The following PABPC4L variants were observed in gnomAD, a reference collection of about 807,000 sequenced individuals.
PABPC4L encodes the protein polyadenylate-binding protein 4-like.
For synonymous variants in PABPC4L, 169 were observed against 164.1 expected (o/e 1.03, Z -0.23); for missense variants, 452 against 451.4 (o/e 1.00, Z -0.01).
chr4:134,098,459 T>TAAA, the PABPC4L span, among the ~76,000 whole-genome samples: 1 of 151,660 alleles, frequency 6.6e-6, no homozygotes, highest in Non-Finnish European at 1.5e-5. Flanking sequence ...CTATGATCTG[T>TAAA]GATGGGGAAG....
At chr4:134,196,067 T>C (rs929663229), downstream of PABPC4L, among the ~76,000 whole-genome samples, 1 of 151,536 alleles carries the variant, frequency 6.6e-6, no homozygotes, top group East Asian at 1.9e-4. Context: ...GACAGGTTAG[T>C]TGAATTTAAC....
chr4:133,956,895 A>G, the PABPC4L span, among the ~76,000 whole-genome samples: 1 of 152,162 alleles, frequency 6.6e-6, no homozygotes, highest in African/African-American at 2.4e-5. Flanking sequence ...TAAGAAGAGC[A>G]TGTGGGGTAA....
the PABPC4L span, among the ~76,000 whole-genome samples, chr4:134,081,818 T>C: frequency 6.6e-6 from 1 of 152,146 alleles, no homozygotes; most frequent in Non-Finnish European, 1.5e-5. Context: ...TGACTCCCAT[T>C]AAGGTCCCTA....
the PABPC4L span, among the ~76,000 whole-genome samples, chr4:134,070,723 C>T: frequency 5.9e-5 from 9 of 152,082 alleles, no homozygotes; most frequent in African/African-American, 1.9e-4. Context: ...AGAGCTCTCC[C>T]ATGGTCAGGT....
the PABPC4L span, among the ~76,000 whole-genome samples, chr4:134,022,971 G>T: frequency 6.9e-6 from 1 of 145,504 alleles, no homozygotes; most frequent in African/African-American, 2.6e-5. Context: ...TTCCAAAAGG[G>T]TTGGGGAAAG....
At chr4:134,104,632 T>C in the PABPC4L span, among the ~76,000 whole-genome samples, 184 of 151,822 alleles carry the variant, frequency 1.2e-3, no homozygotes, top group African/African-American at 4.3e-3. Context: ...GGCCAAAATA[T>C]GGTGCCTCTT....
chr4:134,126,975 G>A, the PABPC4L span, among the ~76,000 whole-genome samples: 3 of 152,194 alleles, frequency 2.0e-5, no homozygotes, highest in East Asian at 1.9e-4. Flanking sequence ...GCTGAGAGCC[G>A]TATGGGCGCA....
the PABPC4L span, among the ~76,000 whole-genome samples, chr4:133,951,302 A>G: frequency 1.3e-5 from 2 of 152,136 alleles, no homozygotes; most frequent in South Asian, 4.1e-4. Context: ...TCTCTTTTCC[A>G]TAAGAAACTG....
At chr4:134,058,966 C>T in the PABPC4L span, among the ~76,000 whole-genome samples, 2 of 151,872 alleles carry the variant, frequency 1.3e-5, no homozygotes, top group East Asian at 1.9e-4. Context: ...AAAGCCACAC[C>T]TCAAAAAATC....
At chr4:134,153,286 T>G in the PABPC4L span, among the ~76,000 whole-genome samples, 1 of 152,098 alleles carries the variant, frequency 6.6e-6, no homozygotes, top group African/African-American at 2.4e-5. Flanking sequence ...CTTCATAGTG[T>G]TTTAGTTTGC....
At chr4:134,008,494 T>C in the PABPC4L span, among the ~76,000 whole-genome samples, 2 of 151,606 alleles carry the variant, frequency 1.3e-5, no homozygotes, top group African/African-American at 4.8e-5. Context: ...AGGTAAAACA[T>C]GAAAACAACA....
the PABPC4L span, among the ~76,000 whole-genome samples, chr4:134,066,058 C>T: frequency 6.6e-6 from 1 of 152,104 alleles, no homozygotes; most frequent in South Asian, 2.1e-4. Context: ...CAGTTTTGTT[C>T]TTTTTGCTAG....
At chr4:133,963,870 G>C in the PABPC4L span, among the ~76,000 whole-genome samples, 2 of 151,922 alleles carry the variant, frequency 1.3e-5, no homozygotes, top group Non-Finnish European at 2.9e-5. Flanking sequence ...TACATCAAAA[G>C]ACTGAAAAAG....
chr4:134,186,280 C>A, the PABPC4L span, among the ~76,000 whole-genome samples: 1 of 152,166 alleles, frequency 6.6e-6, no homozygotes, highest in Non-Finnish European at 1.5e-5. Flanking sequence ...TGCTACCTGA[C>A]TTCAAACTAT....
At chr4:134,177,202 T>A in the PABPC4L span, among the ~76,000 whole-genome samples, 6 of 144,698 alleles carry the variant, frequency 4.1e-5, no homozygotes, top group East Asian at 1.3e-3. Context: ...TTTTTTTTTT[T>A]AGACGTAGTC....
chr4:134,020,456 C>T, the PABPC4L span, among the ~76,000 whole-genome samples: 1 of 152,030 alleles, frequency 6.6e-6, no homozygotes, highest in South Asian at 2.1e-4. Context: ...CTGGACACAC[C>T]CAGGTCTGAG....
chr4:134,007,315 T>C, the PABPC4L span, among the ~76,000 whole-genome samples: 63 of 151,872 alleles, frequency 4.1e-4, 1 homozygote, highest in South Asian at 0.013. Context: ...GATGGCATTT[T>C]GTTTTGTCAT....
the PABPC4L span, among the ~76,000 whole-genome samples, chr4:134,110,921 G>A: frequency 6.6e-6 from 1 of 151,872 alleles, no homozygotes; most frequent in African/African-American, 2.4e-5. Flanking sequence ...GGCTATATAT[G>A]TATACAAATA....
chr4:133,992,116 A>T, the PABPC4L span, among the ~76,000 whole-genome samples: 1 of 152,152 alleles, frequency 6.6e-6, no homozygotes, highest in Non-Finnish European at 1.5e-5. Flanking sequence ...CCATCCCCCC[A>T]TTGGCCCAAA....
Sources: allele counts gnomAD v4.1 joint callset (sites outside exome capture counted in the v4.1 genomes callset), GRCh38; gene constraint gnomAD v4.1.1; transcripts MANE v1.5; gene names NCBI Gene and HGNC (gene_info 2026-07-23, HGNC 2026-07-21).